PRELID2: variants seen among roughly 807,000 people sequenced by gnomAD.
PRELID2 encodes PRELI domain-containing protein 2.
In PRELID2, 25 loss-of-function variants were observed where a neutral mutation model predicts 28.4. The ratio of observed to expected loss-of-function variants is 0.88; its 90% CI spans 0.64 to 1.23. The LOEUF (loss-of-function observed/expected upper bound fraction) is 1.23. Among genes scored for constraint, PRELID2 ranks in the 50% most tolerant of loss-of-function variants. The probability of loss-of-function intolerance (pLI) is 0.00; values close to 1 mark genes in which losing one functional copy is unlikely to be tolerated. For missense variants in PRELID2, 201 were observed against 214.4 expected (o/e 0.94, Z 0.39); for synonymous variants, 76 against 71.6 (o/e 1.06, Z -0.31).
At chr5:145,550,622 AG>A (rs1176785709) in intron 1 of PRELID2, among the ~76,000 whole-genome samples, 2 of 152,184 alleles carry the variant, frequency 1.3e-5, no homozygotes, top group Non-Finnish European at 2.9e-5. Flanking sequence ...ATACTAAAGA[AG>A]GACCTTAAAA....
At chr5:145,591,244 C>A (rs1753222477) in intron 1 of PRELID2, among the ~76,000 whole-genome samples, 1 of 150,430 alleles carries the variant, frequency 6.6e-6, no homozygotes, top group African/African-American at 2.5e-5. Context: ...TACAGTGAGT[C>A]ATGTTTATGC....
In PRELID2 at chr5:145,818,093, A is replaced by G. The variant is rs748044992; in HGVS notation, c.208-39T>C. ...AGAAAATGGCTTTTTCAATTTAGGA[A>G]GAGCAGGCAACATAATGACTGCATC... On this transcript the variant is annotated intron_variant, in intron 3 of 6. Transcript: ENST00000683046. 10 of 1,597,598 alleles carry G rather than the reference A, an allele frequency of 6.3e-6. No individual in the cohort carries two copies. In the East Asian group the frequency reaches 1.4e-4, roughly 22 times the overall value.
chr5:145,791,784 A>G (rs1409869877), intron 5 of PRELID2, among the ~76,000 whole-genome samples: 4 of 152,238 alleles, frequency 2.6e-5, no homozygotes. Context: ...ATTATTTTTA[A>G]TACAAAGGTA....
chr5:145,295,289 A>G, the PRELID2 span, among the ~76,000 whole-genome samples: 31 of 152,286 alleles, frequency 2.0e-4, no homozygotes, highest in Admixed American at 7.2e-4. Context: ...TAAAGACTCA[A>G]TTATAAAACT....
At chr5:145,357,320 C>T in the PRELID2 span, among the ~76,000 whole-genome samples, 5 of 152,150 alleles carry the variant, frequency 3.3e-5, no homozygotes, top group African/African-American at 1.2e-4. Context: ...GGAGGATATC[C>T]TGAAATATGT....
chr5:145,377,193 T>C, the PRELID2 span, among the ~76,000 whole-genome samples: 5 of 152,184 alleles, frequency 3.3e-5, no homozygotes, highest in Non-Finnish European at 7.4e-5. Context: ...TGTAATTGCA[T>C]AGTTTTAAGT....
chr5:145,650,292 G>T (rs1754265984), intron 1 of PRELID2, among the ~76,000 whole-genome samples: 1 of 151,924 alleles, frequency 6.6e-6, no homozygotes, highest in Non-Finnish European at 1.5e-5. Flanking sequence ...ATCTCAAGGA[G>T]ACGAGTAGCA....
the PRELID2 span, among the ~76,000 whole-genome samples, chr5:145,254,019 A>T: frequency 6.6e-6 from 1 of 152,058 alleles, no homozygotes; most frequent in Non-Finnish European, 1.5e-5. Flanking sequence ...ACACACATAC[A>T]CACACACATA....
chr5:145,730,205 T>A (rs536647163), intron 1 of PRELID2, among the ~76,000 whole-genome samples: 83 of 152,252 alleles, frequency 5.5e-4, no homozygotes, highest in Non-Finnish European at 1.1e-3. Context: ...CCTGGACATG[T>A]TCCAAGACTC....
Position 145,476,799 on chromosome 5 carries a change from T to C in PRELID2, n.71-3484A>G, listed in dbSNP as rs17103276. ...CTTTTTATGTGGTGTTGGGCAGGAGTATTCTGTCCCCAAAAGCGCACAGAG... is the reference window on the plus strand; with the variant it reads ...CTTTTTATGTGGTGTTGGGCAGGAGCATTCTGTCCCCAAAAGCGCACAGAG... On this transcript the variant is annotated intron_variant and non_coding_transcript_variant, in intron 1 of 2. Transcript: ENST00000510259. Among the ~76,000 whole-genome samples, 1,025 of 152,238 alleles carry C rather than the reference T, an allele frequency of 6.7e-3. 31 individuals are homozygous for C. The highest frequency in any genetic ancestry group is 0.05 in the Admixed American group (768 of 15,278).
At chr5:145,815,250 G>C (rs2171971) in intron 4 of PRELID2, among the ~76,000 whole-genome samples, 1 of 152,208 alleles carries the variant, frequency 6.6e-6, no homozygotes, top group Admixed American at 6.5e-5. Flanking sequence ...CCAGTGCCTA[G>C]ATGGTGGATT....
chr5:145,311,436 C>G, the PRELID2 span, among the ~76,000 whole-genome samples: 2 of 152,058 alleles, frequency 1.3e-5, no homozygotes, highest in African/African-American at 4.8e-5. Context: ...TTTATCTTAC[C>G]CTAGGTCTCA....
intron 4 of PRELID2, among the ~76,000 whole-genome samples, chr5:145,811,840 G>T (rs935079933): frequency 6.6e-6 from 1 of 152,268 alleles, no homozygotes; most frequent in African/African-American, 2.4e-5. Context: ...GTAATCATCT[G>T]CAGTAGTGAG....
intron 1 of PRELID2, among the ~76,000 whole-genome samples, chr5:145,599,768 A>G (rs1261696560): frequency 6.6e-6 from 1 of 152,162 alleles, no homozygotes; most frequent in Non-Finnish European, 1.5e-5. Context: ...TCATAGGCAA[A>G]AGCAAATCAG....
chr5:145,567,071 T>C (rs1752973197), intron 1 of PRELID2, among the ~76,000 whole-genome samples: 1 of 152,164 alleles, frequency 6.6e-6, no homozygotes, highest in African/African-American at 2.4e-5. Context: ...TATATGATGT[T>C]GGAGTTTTAA....
intron 1 of PRELID2, among the ~76,000 whole-genome samples, chr5:145,598,418 G>C (rs894964110): frequency 6.6e-6 from 1 of 152,130 alleles, no homozygotes; most frequent in Non-Finnish European, 1.5e-5. Context: ...TCTATGTTTA[G>C]GATGAATTGC....
intron 1 of PRELID2, among the ~76,000 whole-genome samples, chr5:145,513,573 A>C (rs1316220017): frequency 6.6e-6 from 1 of 152,200 alleles, no homozygotes. Context: ...TCAGGATAAC[A>C]TCCAGCAGAA....
chr5:145,384,257 C>T, the PRELID2 span, among the ~76,000 whole-genome samples: 9 of 152,252 alleles, frequency 5.9e-5, no homozygotes, highest in Admixed American at 3.3e-4. Context: ...TTCACATAGG[C>T]ATTTATCCAA....
chr5:145,234,659 G>T, the PRELID2 span, among the ~76,000 whole-genome samples: 1 of 152,228 alleles, frequency 6.6e-6, no homozygotes, highest in African/African-American at 2.4e-5. Context: ...ACTGCAGTAA[G>T]AATTCATTTA....
Sources: allele counts gnomAD v4.1 joint callset (sites outside exome capture counted in the v4.1 genomes callset), GRCh38; gene constraint gnomAD v4.1.1; transcripts MANE v1.5; gene names NCBI Gene and HGNC (gene_info 2026-07-23, HGNC 2026-07-21).